The following ST7 variants were observed in gnomAD, a reference collection of about 807,000 sequenced individuals.
The protein encoded by ST7 is suppression of tumorigenicity 7.
ST7 carries 28 observed loss-of-function variants against 78.7 expected under a neutral mutation model. The ratio of observed to expected loss-of-function variants is 0.36; its 90% confidence interval spans 0.26 to 0.49. The LOEUF (loss-of-function observed/expected upper bound fraction) is 0.49. Among genes scored for constraint, ST7 ranks in the 20% least tolerant of loss-of-function variants. The pLI is 0.99. For synonymous variants in ST7, 247 were observed against 249.6 expected (o/e 0.99, Z 0.10); for missense variants, 418 against 696.0 (o/e 0.60, Z 4.49).
rs1344537370 is a variant in ST7, at chr7:117,119,635, C to G, written c.309C>G (p.Pro103=). The G allele has an allele frequency of 4.3e-6, 7 of 1,613,694 alleles. No individual in the cohort carries two copies. Among genetic ancestry groups the G allele is most frequent in the South Asian group, 3.3e-5 (3 of 90,982 alleles). Residue 103 remains proline, a synonymous_variant, in exon 3 of 16, where the codon CCC becomes CCG. Transcript: ENST00000323984. ...IEQVSVSHLR[P]LLGGVDNNSS... Reference sequence around the variant, plus strand: ...AAGTCTCAGTAAGCCACTTGCGCCCCCTTCTGGGAGGGGTTGACAACAACT... The same window carrying G: ...AAGTCTCAGTAAGCCACTTGCGCCCGCTTCTGGGAGGGGTTGACAACAACT...
At chr7:117,057,979 A>G (rs1343245598) in intron 1 of ST7, among the ~76,000 whole-genome samples, 1 of 152,212 alleles carries the variant, frequency 6.6e-6, no homozygotes. Flanking sequence ...GACTTAGGAT[A>G]ATGACTGTTT....
At chr7:117,128,552 C>G (rs888532189) in intron 3 of ST7, among the ~76,000 whole-genome samples, 2 of 151,786 alleles carry the variant, frequency 1.3e-5, no homozygotes, top group Non-Finnish European at 2.9e-5. Context: ...TAAGTGGGAT[C>G]CTGCCCTAAT....
At chr7:117,131,232 C>T (rs543136940) in intron 5 of ST7, among the ~76,000 whole-genome samples, 2 of 151,682 alleles carry the variant, frequency 1.3e-5, no homozygotes, top group Non-Finnish European at 2.9e-5. Flanking sequence ...TTATAAAATA[C>T]AAATTTATAA....
At chr7:116,968,490 C>A in intron 1 of ST7, 1 of 436,306 alleles carries the variant, frequency 2.3e-6, no homozygotes, top group South Asian at 1.6e-5. Flanking sequence ...TACGGGTGTG[C>A]GCCACCATGC....
At chr7:117,052,900 CA>C (rs974985903) in intron 1 of ST7, among the ~76,000 whole-genome samples, 1 of 152,018 alleles carries the variant, frequency 6.6e-6, no homozygotes, top group Non-Finnish European at 1.5e-5. Context: ...TCTCAAAAAA[CA>C]AAAAAACAAA....
At chr7:117,016,698 C>G (rs1795633173) in intron 1 of ST7, among the ~76,000 whole-genome samples, 1 of 152,118 alleles carries the variant, frequency 6.6e-6, no homozygotes, top group Non-Finnish European at 1.5e-5. Flanking sequence ...TAAGTTCTTA[C>G]CACATTAATA....
chr7:117,171,255 A>G (rs193564), intron 10 of ST7, among the ~76,000 whole-genome samples: 19,202 of 151,942 alleles, frequency 0.13, 2,287 homozygotes, highest in African/African-American at 0.31. Flanking sequence ...ACTCTGCTCT[A>G]TTACCTCTGC....
At chr7:117,222,802 C>T (rs1037489771) in intron 15 of ST7, 20 of 1,267,378 alleles carry the variant, frequency 1.6e-5, no homozygotes, top group Admixed American at 6.7e-5. Flanking sequence ...GATTTCAAGG[C>T]GAGTGCAATC....
At chr7:117,040,326 C>T (rs920173118) in intron 1 of ST7, among the ~76,000 whole-genome samples, 13 of 151,942 alleles carry the variant, frequency 8.6e-5, no homozygotes, top group Middle Eastern at 3.4e-3. Flanking sequence ...GAGCCGAAAT[C>T]GCAGCCACTG....
chr7:116,992,908 G>C (rs1451955289), intron 1 of ST7, among the ~76,000 whole-genome samples: 4 of 152,154 alleles, frequency 2.6e-5, no homozygotes. Flanking sequence ...AATCTCTTAG[G>C]CAGGGGCAAA....
At chr7:117,144,934 C>T (rs1805634784) in intron 9 of ST7, among the ~76,000 whole-genome samples, 1 of 152,146 alleles carries the variant, frequency 6.6e-6, no homozygotes, top group African/African-American at 2.4e-5. Flanking sequence ...TATGGTGGCT[C>T]ACGCCTGTAA....
At position 117,010,280 on chromosome 7, in the gene ST7, C is replaced by T. The variant is rs200773148; in HGVS notation, c.151+56589C>T. 2.5e-4 allele frequency among the ~76,000 whole-genome samples: 38 copies of T among 152,300 alleles called. No homozygotes were observed. In the East Asian group the frequency reaches 7.1e-3, roughly 29 times the overall value. On this transcript the variant is annotated intron_variant, in intron 1 of 15. Coordinates refer to ENST00000323984, the MANE Select transcript of ST7 (RefSeq NM_001369598.1). ...TCTTTTATCTGGTTAGTGCTAGATGCTCATCTGTCTTAGCTTACTTAAATT... is the reference window on the plus strand; with the variant it reads ...TCTTTTATCTGGTTAGTGCTAGATGTTCATCTGTCTTAGCTTACTTAAATT...
At chr7:117,122,196 G>A (rs1451272483) in intron 3 of ST7, among the ~76,000 whole-genome samples, 6 of 152,240 alleles carry the variant, frequency 3.9e-5, no homozygotes, top group African/African-American at 9.6e-5. Context: ...AATAAAAATT[G>A]GCTTCATGTG....
At chr7:117,223,053 G>A (rs1201292185) in intron 15 of ST7, 38 of 1,088,920 alleles carry the variant, frequency 3.5e-5, no homozygotes, top group Non-Finnish European at 4.2e-5. Flanking sequence ...CATCCACCCC[G>A]TTGCTCAAGC....
At chr7:116,962,706 T>C (rs1424766509) in intron 1 of ST7, among the ~76,000 whole-genome samples, 1 of 152,216 alleles carries the variant, frequency 6.6e-6, no homozygotes, top group Non-Finnish European at 1.5e-5. Flanking sequence ...GATGGGTAGA[T>C]TGCAAACATT....
chr7:117,209,130 T>C (rs1415302579), intron 12 of ST7, among the ~76,000 whole-genome samples: 3 of 152,200 alleles, frequency 2.0e-5, no homozygotes, highest in Non-Finnish European at 4.4e-5. Context: ...TCCTACCCAC[T>C]TTGTAGAAGA....
At position 117,031,372 on chromosome 7, in the gene ST7, A is replaced by G. The variant is rs1324042587; in HGVS notation, c.152-68390A>G. Among the ~76,000 whole-genome samples, 18 of 78,306 alleles carry G rather than the reference A, an allele frequency of 2.3e-4. 5 individuals are homozygous for G. The East Asian group carries it at 3.0e-3, about 13-fold the overall frequency. The allele number at this position is 78,306 out of a possible 152,430, so 51.4% of individuals were successfully genotyped here. A position where few individuals can be genotyped will look rare whatever the true frequency, so the allele number is the denominator to read the frequency against. On this transcript the variant is annotated intron_variant, in intron 1 of 15. Transcript: ENST00000323984. ...AAAATAAATGTGTGTGTGTGTGTAT[A>G]TGTGTGTATATATGTGTATATATGT...
intron 12 of ST7, among the ~76,000 whole-genome samples, chr7:117,200,818 CTT>C (rs5886845): frequency 0.047 from 6,672 of 141,632 alleles, 239 homozygotes; most frequent in South Asian, 0.2. Context: ...AAAATGTACT[CTT>C]TTTTTTTTTT....
Position 117,179,843 on chromosome 7 carries a change from C to T in ST7, c.1078+8867C>T, listed in dbSNP as rs533910960. On this transcript the variant is annotated intron_variant, in intron 10 of 15. Transcript: ENST00000323984. The stretch of plus-strand genomic sequence containing the variant: ...GCACAATACATTCACACCATGCCCC[C>T]TTTTGAGTGGAGGTACTTGAGAAAT... 3.3e-5 allele frequency among the ~76,000 whole-genome samples: 5 copies of T among 152,234 alleles called. No homozygotes were observed. The South Asian group carries it at 1.0e-3, about 32-fold the overall frequency.
Sources: allele counts gnomAD v4.1 joint callset (sites outside exome capture counted in the v4.1 genomes callset), GRCh38; gene constraint gnomAD v4.1.1; transcripts MANE v1.5; gene names NCBI Gene and HGNC (gene_info 2026-07-23, HGNC 2026-07-21).